Variants in KCNB2 observed in about 807,000 individuals in gnomAD.
KCNB2 encodes the protein potassium voltage-gated channel subfamily B member 2, also known as delayed rectifier potassium channel protein.
Under a neutral mutation model 61.5 loss-of-function variants are expected in KCNB2, and 15 were observed. The ratio of observed to expected loss-of-function variants is 0.24; its 90% CI spans 0.16 to 0.38. The LOEUF (loss-of-function observed/expected upper bound fraction) is 0.38, where lower values mean the gene tolerates loss of function less well. Ranked by LOEUF, KCNB2 falls within the 10% of genes least tolerant of loss-of-function variation. KCNB2 has a pLI of 1.00. For missense variants in KCNB2, 828 were observed against 1,125.2 expected (o/e 0.74, Z 3.78); for synonymous variants, 457 against 446.0 (o/e 1.02, Z -0.31).
At chr8:72,825,226 T>G (rs1252425421) in intron 2 of KCNB2, among the ~76,000 whole-genome samples, 3 of 152,214 alleles carry the variant, frequency 2.0e-5, no homozygotes, top group Admixed American at 6.5e-5. Flanking sequence ...ACATCAGATT[T>G]CCTTCCTTTT....
intron 2 of KCNB2, among the ~76,000 whole-genome samples, chr8:72,893,159 G>T (rs1805929391): frequency 6.6e-6 from 1 of 150,870 alleles, no homozygotes; most frequent in Non-Finnish European, 1.5e-5. Context: ...TTTATGAAGA[G>T]ATTTTGTTTG....
chr8:72,874,445 CT>C (rs1424792417), intron 2 of KCNB2, among the ~76,000 whole-genome samples: 1 of 152,136 alleles, frequency 6.6e-6, no homozygotes, highest in Non-Finnish European at 1.5e-5. Context: ...AGTGAGTCTG[CT>C]TTCCCCCTAA....
rs1382951412 is a variant in KCNB2 at position 72,936,056 on chromosome 8, C to T, written c.701C>T (p.Ala234Val). The T allele has an allele frequency of 6.2e-7, 1 of 1,614,202 alleles. No homozygotes were observed. The highest frequency in any genetic ancestry group is 8.5e-7 in the Non-Finnish European group (1 of 1,180,020). The change falls in exon 3 of 3, where the codon GCA becomes GTA. Residue 234 changes from alanine to valine, a missense_variant. Coordinates refer to ENST00000523207, the MANE Select transcript of KCNB2 (RefSeq NM_004770.3). This position sits in a 1 kb window ranked among gnomAD's most constrained non-coding sequence, Gnocchi z 5.6. ...CAACTCAATGACAACCGCCAATTAG[C>T]ACACGTGGAGGCTGTGTGTATTGCA... Reference protein sequence around the residue: ...FGQLNDNRQLAHVEAVCIAWF... With the variant: ...FGQLNDNRQLVHVEAVCIAWF...
chr8:72,624,515 C>T (rs1805759053), intron 2 of KCNB2, among the ~76,000 whole-genome samples: 1 of 151,900 alleles, frequency 6.6e-6, no homozygotes, highest in South Asian at 2.1e-4. Context: ...GGTTTTTGCT[C>T]AGAGATATGG....
intron 2 of KCNB2, among the ~76,000 whole-genome samples, chr8:72,589,747 G>A (rs1262950728): frequency 2.0e-5 from 3 of 152,222 alleles, no homozygotes; most frequent in Non-Finnish European, 2.9e-5. Flanking sequence ...AATTTTATAG[G>A]GATGTTCAGT....
chr8:72,585,520 G>A (rs977938582), intron 2 of KCNB2, among the ~76,000 whole-genome samples: 17 of 152,144 alleles, frequency 1.1e-4, no homozygotes, highest in African/African-American at 4.1e-4. Context: ...TAAATGCTTA[G>A]TTTTTCAATG....
intron 2 of KCNB2, among the ~76,000 whole-genome samples, chr8:72,595,007 G>A (rs1807164936): frequency 6.6e-6 from 1 of 152,076 alleles, no homozygotes; most frequent in South Asian, 2.1e-4. Context: ...GACCATTTAG[G>A]GTAAGAGGAT....
At chr8:72,910,080 A>G (rs2981111) in intron 2 of KCNB2, among the ~76,000 whole-genome samples, 96,743 of 152,068 alleles carry the variant, frequency 0.64, 32,000 homozygotes, top group Middle Eastern at 0.71. Context: ...TTCACGTCAG[A>G]GGAGACCAAG....
intron 2 of KCNB2, among the ~76,000 whole-genome samples, chr8:72,813,670 A>G (rs927216391): frequency 3.9e-5 from 6 of 152,186 alleles, no homozygotes; most frequent in African/African-American, 1.4e-4. Flanking sequence ...GAAGAATTAT[A>G]CACATACACA....
chr8:72,873,642 G>T (rs1251813499), intron 2 of KCNB2, among the ~76,000 whole-genome samples: 1 of 152,252 alleles, frequency 6.6e-6, no homozygotes, highest in African/African-American at 2.4e-5. Context: ...TGTTGAGAGT[G>T]TGGCAAGAGA....
intron 2 of KCNB2, among the ~76,000 whole-genome samples, chr8:72,929,956 C>A (rs144772725): frequency 9.4e-5 from 11 of 117,094 alleles, no homozygotes; most frequent in African/African-American, 2.5e-4. Flanking sequence ...CCCCTCCCCC[C>A]ACCCCACAAC....
intron 2 of KCNB2, among the ~76,000 whole-genome samples, chr8:72,719,822 A>G (rs546691476): frequency 6.6e-6 from 1 of 152,338 alleles, no homozygotes; most frequent in East Asian, 1.9e-4. Context: ...TGTAATTGAA[A>G]AACAATGAGC....
intron 2 of KCNB2, among the ~76,000 whole-genome samples, chr8:72,583,930 G>T (rs1806952367): frequency 8.2e-6 from 1 of 122,218 alleles, no homozygotes; most frequent in Admixed American, 9.6e-5. Flanking sequence ...GATTTCAACA[G>T]TTACAACAAT....
At chr8:72,674,205 A>G (rs1360828484) in intron 2 of KCNB2, among the ~76,000 whole-genome samples, 2 of 152,158 alleles carry the variant, frequency 1.3e-5, no homozygotes, top group Non-Finnish European at 1.5e-5. Context: ...ACCTATTATT[A>G]CCCTTAATTG....
intron 2 of KCNB2, among the ~76,000 whole-genome samples, chr8:72,763,261 G>A (rs1404605624): frequency 6.6e-6 from 1 of 151,992 alleles, no homozygotes; most frequent in Non-Finnish European, 1.5e-5. Flanking sequence ...ATTTCACTAA[G>A]GTGCAGATTC....
At position 72,670,504 on chromosome 8, in the gene KCNB2, G is replaced by A. The variant is rs180941975; in HGVS notation, c.579+102191G>A. Among the ~76,000 whole-genome samples the A allele has an allele frequency of 3.2e-3, 480 of 152,116 alleles. 1 individual carries two copies. Among genetic ancestry groups the A allele is most frequent in the Non-Finnish European group, 5.3e-3 (363 of 67,984 alleles). ...CTTACCCACAGCTCTCTCTTTTTCC[G>A]AACCTCTCCACTCTCACTGCCATAT... is the stretch of plus-strand genomic sequence containing the variant. On this transcript the variant is annotated intron_variant, in intron 2 of 2. Coordinates refer to ENST00000523207, the MANE Select transcript of KCNB2 (RefSeq NM_004770.3).
chr8:72,733,763 C>A (rs983209016), intron 2 of KCNB2, among the ~76,000 whole-genome samples: 3 of 152,020 alleles, frequency 2.0e-5, no homozygotes, highest in East Asian at 3.9e-4. Context: ...TGATTGTAGC[C>A]CCTGATTTTT....
chr8:72,556,270 T>C (rs985161863), intron 1 of KCNB2, among the ~76,000 whole-genome samples: 7 of 152,316 alleles, frequency 4.6e-5, no homozygotes, highest in Admixed American at 1.3e-4. Flanking sequence ...CTAAGATTCA[T>C]AGATGCTAGT....
At chr8:72,870,157 G>A (rs984011364) in intron 2 of KCNB2, among the ~76,000 whole-genome samples, 10 of 152,170 alleles carry the variant, frequency 6.6e-5, no homozygotes, top group Non-Finnish European at 1.5e-5. Flanking sequence ...CATAGAGCCA[G>A]AAAGTAGAAT....
Sources: allele counts gnomAD v4.1 joint callset (sites outside exome capture counted in the v4.1 genomes callset), GRCh38; gene constraint gnomAD v4.1.1; non-coding constraint Gnocchi (gnomAD v3.1); transcripts MANE v1.5; gene names NCBI Gene and HGNC (gene_info 2026-07-23, HGNC 2026-07-21).